Variants in COL14A1 observed in about 807,000 individuals in gnomAD.
The protein encoded by COL14A1 is collagen alpha-1(XIV) chain.
Under a neutral mutation model 230.3 loss-of-function variants are expected in COL14A1, and 136 were observed. That is an observed-to-expected ratio of 0.59 (90% CI 0.51 to 0.68). The LOEUF (loss-of-function observed/expected upper bound fraction) is 0.68, where lower values mean the gene tolerates loss of function less well. COL14A1 is among the 30% of genes least tolerant of loss of function. The pLI, the probability that COL14A1 is intolerant of heterozygous loss-of-function variation, is 0.00. For synonymous variants in COL14A1, 792 were observed against 784.1 expected, an observed-to-expected ratio of 1.01 and a Z score of -0.17; for missense variants, 1,976 against 2,215.8, an observed-to-expected ratio of 0.89 and a Z score of 2.17.
At chr8:120,142,902 C>G (rs769117706) in intron 1 of COL14A1, among the ~76,000 whole-genome samples, 1 of 152,050 alleles carries the variant, frequency 6.6e-6, no homozygotes, top group Non-Finnish European at 1.5e-5. Context: ...TTAATTTATT[C>G]CTTTAGATAT....
At chr8:120,348,270 CAT>C (rs201828899) in intron 45 of COL14A1, among the ~76,000 whole-genome samples, 2,825 of 142,356 alleles carry the variant, frequency 0.02, 70 homozygotes, top group Non-Finnish European at 0.029. Context: ...ATATATAAAG[CAT>C]ATATATATGT....
At chr8:120,319,966 G>T (rs980492381) in intron 40 of COL14A1, among the ~76,000 whole-genome samples, 4 of 152,176 alleles carry the variant, frequency 2.6e-5, no homozygotes, top group African/African-American at 9.7e-5. Context: ...TGTCACTGCT[G>T]TCATCTCCTT....
chr8:120,354,858 C>T (rs980802252), intron 45 of COL14A1, among the ~76,000 whole-genome samples: 6 of 152,140 alleles, frequency 3.9e-5, no homozygotes, highest in Non-Finnish European at 7.4e-5. Context: ...TATTAAGCAG[C>T]CCGATTTCTC....
intron 4 of COL14A1, among the ~76,000 whole-genome samples, chr8:120,166,908 G>A (rs1014574280): frequency 4.7e-5 from 7 of 149,510 alleles, no homozygotes; most frequent in Non-Finnish European, 8.9e-5. Flanking sequence ...GTGTGTGTGT[G>A]TGTGTGTGTG....
intron 13 of COL14A1, chr8:120,214,201 G>C (rs1333160271): frequency 1.2e-5 from 2 of 161,114 alleles, no homozygotes; most frequent in Non-Finnish European, 2.7e-5. Flanking sequence ...CATGGGCTCT[G>C]GAATCAGTTA....
chr8:120,342,355 G>A (rs1425236313), intron 43 of COL14A1, 25 bp from the exon 44 acceptor site: 1 of 1,612,444 alleles, frequency 6.2e-7, no homozygotes. Flanking sequence ...AGCTGAGTCA[G>A]GAGTATGCTT....
chr8:120,202,989 A>AACATATATATATAT lies in COL14A1; in HGVS notation c.878-719_878-718insCATATATATATATA, dbSNP rs1817299671. 1.7e-4 allele frequency among the ~76,000 whole-genome samples: 18 copies of AACATATATATATAT among 106,550 alleles called. No homozygotes were observed. In the South Asian group the frequency reaches 6.4e-3, roughly 38 times the overall value. The allele number at this position is 106,550 out of a possible 152,430, so 69.9% of individuals were successfully genotyped here. A position where few individuals can be genotyped will look rare whatever the true frequency, so the allele number is the denominator to read the frequency against. On this transcript the variant is annotated intron_variant, in intron 8 of 47. Transcript: ENST00000297848. Reference sequence around the variant, plus strand: ...ATGCTATACAATAATAATAATTTCAAATATATATATATATATATATATATA... The same window carrying AACATATATATATAT: ...ATGCTATACAATAATAATAATTTCAAACATATATATATATATATATATATATATATATATATATA...
At chr8:120,160,800 C>G (rs1815638916) in intron 3 of COL14A1, among the ~76,000 whole-genome samples, 1 of 152,150 alleles carries the variant, frequency 6.6e-6, no homozygotes, top group Non-Finnish European at 1.5e-5. Flanking sequence ...CCATGGTATT[C>G]TGTAGGATGC....
chr8:120,357,219 A>G (rs1823018549), intron 45 of COL14A1, among the ~76,000 whole-genome samples: 2 of 152,166 alleles, frequency 1.3e-5, no homozygotes, highest in South Asian at 4.1e-4. Flanking sequence ...GTCATTTAGG[A>G]GGCCAGTCAT....
At chr8:120,162,346 A>G (rs755177885) in intron 3 of COL14A1, 80 bp from the exon 4 acceptor site, 9 of 1,209,258 alleles carry the variant, frequency 7.4e-6, no homozygotes, top group Non-Finnish European at 1.0e-5. Flanking sequence ...TAACACCATA[A>G]TTGCTAACTA....
At chr8:120,220,014 T>G (rs1031109556) in intron 14 of COL14A1, among the ~76,000 whole-genome samples, 1 of 151,914 alleles carries the variant, frequency 6.6e-6, no homozygotes, top group Admixed American at 6.6e-5. Flanking sequence ...TTTTCTTATT[T>G]CTTAATTCAT....
At chr8:120,191,815 CTT>C (rs1354351295) in intron 5 of COL14A1, among the ~76,000 whole-genome samples, 2 of 152,094 alleles carry the variant, frequency 1.3e-5, no homozygotes, top group Non-Finnish European at 2.9e-5. Flanking sequence ...TTCTTTGTCT[CTT>C]TTGATCTTTG....
chr8:120,212,386 C>T, intron 12 of COL14A1, 62 bp from the exon 13 acceptor site: 4 of 1,570,404 alleles, frequency 2.5e-6, no homozygotes, highest in Non-Finnish European at 2.6e-6. Flanking sequence ...TGTTCTGTTC[C>T]ACTCTGATCA....
intron 34 of COL14A1, among the ~76,000 whole-genome samples, chr8:120,296,005 T>C (rs1820516398): frequency 6.6e-6 from 1 of 151,972 alleles, no homozygotes; most frequent in African/African-American, 2.4e-5. Context: ...TTTTTCCAAA[T>C]GTTTTAATTT....
intron 26 of COL14A1, among the ~76,000 whole-genome samples, chr8:120,275,053 G>GA (rs1162425037): frequency 1.3e-5 from 2 of 151,296 alleles, no homozygotes; most frequent in African/African-American, 4.8e-5. Context: ...TAAACAAAAA[G>GA]AAAAAAATCT....
At chr8:120,246,225 G>A (rs1434490317) in intron 20 of COL14A1, among the ~76,000 whole-genome samples, 4 of 152,052 alleles carry the variant, frequency 2.6e-5, no homozygotes, top group African/African-American at 2.4e-5. Flanking sequence ...CCCTCCTCCC[G>A]TGCTTATGCC....
intron 29 of COL14A1, 26 bp downstream of exon 29, chr8:120,280,125 C>T (rs1220634814): frequency 1.2e-6 from 2 of 1,612,512 alleles, no homozygotes; most frequent in Non-Finnish European, 1.7e-6. Context: ...TTTGTACTTA[C>T]TCATGTTGCT....
At chr8:120,182,341 A>G (rs1351189875) in intron 5 of COL14A1, among the ~76,000 whole-genome samples, 1 of 152,282 alleles carries the variant, frequency 6.6e-6, no homozygotes, top group East Asian at 1.9e-4. Flanking sequence ...AGAATTTTCT[A>G]TTGAGTATCT....
At chr8:120,270,228 G>A in intron 26 of COL14A1, 54 bp downstream of exon 26, 1 of 1,528,842 alleles carries the variant, frequency 6.5e-7, no homozygotes, top group Non-Finnish European at 8.9e-7. Flanking sequence ...TATTTCTCCA[G>A]CTCTTATTAC....
Sources: gnomAD v4.1 joint callset for allele counts (sites outside exome capture counted in the v4.1 genomes callset) on GRCh38, gnomAD v4.1.1 for gene constraint, MANE v1.5 for transcripts, NCBI Gene and HGNC (gene_info 2026-07-23, HGNC 2026-07-21) for gene names.